The following FREM1 variants were observed in gnomAD, a reference collection of about 807,000 sequenced individuals.
The protein encoded by FREM1 is FRAS1 related extracellular matrix 1.
A neutral mutation model predicts 210.1 loss-of-function variants in FREM1; 220 were observed. That is an observed-to-expected ratio of 1.05 (90% CI 0.94 to 1.17). The LOEUF is 1.17. FREM1 is among the 50% of genes most tolerant of loss of function. FREM1 has a pLI of 0.00. For missense variants in FREM1, 3,454 were observed against 2,675.5 expected, an observed-to-expected ratio of 1.29 and a Z score of -6.42; for synonymous variants, 1,189 against 980.2, an observed-to-expected ratio of 1.21 and a Z score of -3.98.
At chr9:14,773,795 C>A (rs544870216) in intron 25 of FREM1, among the ~76,000 whole-genome samples, 90 of 152,068 alleles carry the variant, frequency 5.9e-4, no homozygotes, top group Non-Finnish European at 1.2e-3. Context: ...GTACTTTCCC[C>A]AATCTCCATC....
At position 14,816,777 on chromosome 9, in the gene FREM1, C is replaced by T; in HGVS notation, c.2640+1G>A. The T allele has an allele frequency of 2.2e-6, 3 of 1,391,138 alleles. No homozygotes were observed. Among genetic ancestry groups the T allele is most frequent in the Non-Finnish European group, 2.9e-6 (3 of 1,044,032 alleles). 86.2% of individuals were successfully genotyped at this position (1,391,138 alleles called of 1,614,324 possible). A position where few individuals can be genotyped will look rare whatever the true frequency, so the allele number is the denominator to read the frequency against. ...ACCCAGGGAAGAAACTTTCTACCCA[C>T]CTCAACATGTAGTACAAATTCTGCT... On this transcript the variant is annotated splice_donor_variant, in intron 15 of 36. Coordinates refer to ENST00000380880, the MANE Select transcript of FREM1 (RefSeq NM_001379081.2). LOFTEE classifies it high-confidence loss of function.
chr9:14,900,747 G>A (rs1366183203), intron 1 of FREM1, among the ~76,000 whole-genome samples: 4 of 152,182 alleles, frequency 2.6e-5, no homozygotes, highest in African/African-American at 9.7e-5. Context: ...TGTGTGAGAT[G>A]TAAGTACACA....
At chr9:14,885,829 C>G (rs1458415890) in intron 1 of FREM1, among the ~76,000 whole-genome samples, 1 of 152,130 alleles carries the variant, frequency 6.6e-6, no homozygotes, top group Non-Finnish European at 1.5e-5. Context: ...TATCTATTAC[C>G]TTACATATCT....
At chr9:14,761,300 TA>T (rs563492331) in intron 27 of FREM1, among the ~76,000 whole-genome samples, 67 of 152,292 alleles carry the variant, frequency 4.4e-4, no homozygotes, top group African/African-American at 1.5e-3. Flanking sequence ...CATCATGGGC[TA>T]GGGGGCAAGG....
Position 14,819,410 on chromosome 9 carries a change from T to G in FREM1, c.2370A>C (p.Gly790=). 2 of 1,613,122 alleles carry G rather than the reference T, an allele frequency of 1.2e-6. No homozygotes were observed. The highest frequency in any genetic ancestry group is 1.7e-6 in the Non-Finnish European group (2 of 1,179,340). ...AFTNPLKVTE[G]GQSIISTEHI... ...GCTCTGTGCTGATGATGCTTTGACC[T>G]CCCTCAGTCACTTTCAGAGGGTTGG... The change falls in exon 14 of 37, where the codon GGA becomes GGC. Residue 790 remains glycine (G), a synonymous_variant. Transcript: ENST00000380880.
rs1848410058 is a variant in FREM1 at position 14,775,606 on chromosome 9, G to T, written c.4857+183C>A. Among the ~76,000 whole-genome samples the T allele has an allele frequency of 2.0e-5, 3 of 151,256 alleles. No individual in the cohort carries two copies. The South Asian group carries it at 6.3e-4, about 32-fold the overall frequency. ...GACTATAGGCCCAGCTACTCAGGAGGCTGAGGCAGGAGAATCGCTTGAGCC... is the reference window on the plus strand; with the variant it reads ...GACTATAGGCCCAGCTACTCAGGAGTCTGAGGCAGGAGAATCGCTTGAGCC... On this transcript the variant is annotated intron_variant, in intron 25 of 36. Coordinates refer to ENST00000380880, the MANE Select transcript of FREM1 (RefSeq NM_001379081.2).
At chr9:14,807,366 G>A (rs1435548882) in intron 17 of FREM1, among the ~76,000 whole-genome samples, 3 of 152,146 alleles carry the variant, frequency 2.0e-5, no homozygotes, top group African/African-American at 7.2e-5. Context: ...CTGGGATAAT[G>A]CTTTCTTTCC....
At chr9:14,842,266 C>T in intron 9 of FREM1, 50 bp downstream of exon 9, 1 of 1,198,918 alleles carries the variant, frequency 8.3e-7, no homozygotes, top group Non-Finnish European at 1.2e-6. Context: ...AGAAGGTTCT[C>T]TATGGAAGAG....
At chr9:14,893,259 TGA>T (rs1837180089) in intron 1 of FREM1, among the ~76,000 whole-genome samples, 1 of 152,228 alleles carries the variant, frequency 6.6e-6, no homozygotes, top group African/African-American at 2.4e-5. Context: ...AAAGAATTCG[TGA>T]GGCTAGTCTT....
chr9:14,885,293 C>T (rs1360919876), intron 1 of FREM1, among the ~76,000 whole-genome samples: 5 of 152,104 alleles, frequency 3.3e-5, no homozygotes, highest in Non-Finnish European at 5.9e-5. Flanking sequence ...ATGACATAAG[C>T]AATGGAACAT....
At chr9:14,898,629 C>T (rs917105131) in intron 1 of FREM1, among the ~76,000 whole-genome samples, 2 of 152,182 alleles carry the variant, frequency 1.3e-5, no homozygotes, top group African/African-American at 2.4e-5. Flanking sequence ...GTAATCCCAA[C>T]TACTCAGGAG....
intron 3 of FREM1, among the ~76,000 whole-genome samples, chr9:14,861,312 CAT>C (rs1364052271): frequency 9.7e-6 from 1 of 103,538 alleles, no homozygotes; most frequent in Non-Finnish European, 1.7e-5. Flanking sequence ...CACATATATA[CAT>C]ATATACACAT....
rs754363171 is a variant in FREM1 at position 14,824,960 on chromosome 9, G to A, written c.1914C>T (p.Asp638=). 2 of 1,603,762 alleles carry A rather than the reference G, an allele frequency of 1.2e-6. No homozygotes were observed. Among genetic ancestry groups the A allele is most frequent in the East Asian group, 4.5e-5 (2 of 44,726 alleles). The change falls in exon 11 of 37, where the codon GAC becomes GAT. Residue 638 remains aspartate, a synonymous_variant. Coordinates refer to ENST00000380880, the MANE Select transcript of FREM1 (RefSeq NM_001379081.2). ...CTCCAGGAGCCTCTTTTGGAAGCTG[G>A]TCATCCACTGGAGTTATATGGATTG... ...VATIHITPVD[D]QLPKEAPGVS...
At chr9:14,874,811 G>T (rs1312531147) in intron 1 of FREM1, among the ~76,000 whole-genome samples, 5 of 152,270 alleles carry the variant, frequency 3.3e-5, no homozygotes, top group Non-Finnish European at 1.5e-5. Flanking sequence ...GGTACCGGTT[G>T]TTCCTTTCCA....
At chr9:14,774,108 ATC>A in intron 25 of FREM1, 1 of 518,988 alleles carries the variant, frequency 1.9e-6, no homozygotes, top group South Asian at 1.4e-5. Flanking sequence ...CCAGTGCATT[ATC>A]ATTTCTTTGC....
At chr9:14,825,422 A>C (rs1296563356) in intron 10 of FREM1, among the ~76,000 whole-genome samples, 5 of 145,552 alleles carry the variant, frequency 3.4e-5, no homozygotes, top group Non-Finnish European at 7.5e-5. Flanking sequence ...CTGGAGGAGG[A>C]GGTTGCAGTG....
chr9:14,815,750 C>T (rs545367085), intron 15 of FREM1, among the ~76,000 whole-genome samples: 9 of 152,212 alleles, frequency 5.9e-5, no homozygotes, highest in South Asian at 2.1e-4. Context: ...CAGGTTCAAG[C>T]GATTCTCCTG....
chr9:14,794,748 C>A (rs1466031450), intron 21 of FREM1, among the ~76,000 whole-genome samples: 1 of 151,920 alleles, frequency 6.6e-6, no homozygotes, highest in East Asian at 1.9e-4. Context: ...GCCTGTAATC[C>A]CAGCACTTTT....
At chr9:14,884,979 C>A (rs1292699582) in intron 1 of FREM1, among the ~76,000 whole-genome samples, 1 of 111,864 alleles carries the variant, frequency 8.9e-6, no homozygotes, top group Admixed American at 1.3e-4. Context: ...GGCTGGAGTG[C>A]AGTGGTGCGA....
Sources: allele counts gnomAD v4.1 joint callset (sites outside exome capture counted in the v4.1 genomes callset), GRCh38; gene constraint gnomAD v4.1.1; transcripts MANE v1.5; gene names NCBI Gene and HGNC (gene_info 2026-07-23, HGNC 2026-07-21).